Variants in VPS52 observed in about 807,000 individuals in gnomAD.
VPS52 encodes the protein VPS52 subunit of GARP complex.
In VPS52, 56 loss-of-function variants were observed where a neutral mutation model predicts 98.7. That is an observed-to-expected ratio of 0.57 (90% CI 0.46 to 0.71). VPS52 has a LOEUF of 0.71. Ranked by LOEUF, VPS52 falls within the 30% of genes least tolerant of loss-of-function variation. VPS52 has a pLI of 0.00. For missense variants in VPS52, 742 were observed against 925.9 expected (o/e 0.80, Z 2.58); for synonymous variants, 348 against 346.4 (o/e 1.00, Z -0.05).
chr6:33,251,641 T>C lies in VPS52; in HGVS notation c.1907-5A>G, dbSNP rs376174137. 1.1e-4 allele frequency: 179 copies of C among 1,606,774 alleles called. 1 individual carries two copies. Among genetic ancestry groups the C allele is most frequent in the South Asian group, 2.4e-4 (22 of 90,684 alleles). On this transcript the variant is annotated splice_region_variant and splice_polypyrimidine_tract_variant and intron_variant, in intron 18 of 19. Coordinates refer to ENST00000445902, the MANE Select transcript of VPS52 (RefSeq NM_022553.6). ...GGATCAGCTGAGTTACCCGGGCTAA[T>C]AGCAGGAGGAAACAGTGTCAGAGAG...
intron 17 of VPS52, among the ~76,000 whole-genome samples, chr6:33,259,788 A>G (rs1763423239): frequency 6.6e-6 from 1 of 152,218 alleles, no homozygotes; most frequent in Non-Finnish European, 1.5e-5. Context: ...AAAAGAAAAA[A>G]AATGGCAAAG....
Position 33,267,136 on chromosome 6 carries a change from C to A in VPS52, c.1125+52G>T. ...TCTGCCCTGAGGTCTGGCCTTCCCT[C>A]CCCACCGTGCTCAGAGCCTCTTTCG... On this transcript the variant is annotated intron_variant, in intron 11 of 19. Transcript: ENST00000445902. This position sits in a 1 kb window ranked among gnomAD's most constrained non-coding sequence, Gnocchi z 4.2. 2 of 1,452,476 alleles carry A rather than the reference C, an allele frequency of 1.4e-6. No individual in the cohort carries two copies. The highest frequency in any genetic ancestry group is 1.8e-6 in the Non-Finnish European group (2 of 1,100,700). 90.0% of individuals were successfully genotyped at this position (1,452,476 alleles called of 1,614,324 possible).
chr6:33,270,000 G>A lies in VPS52; in HGVS notation c.227C>T (p.Thr76Met), dbSNP rs753215900. The A allele has an allele frequency of 5.0e-6, 8 of 1,614,094 alleles. No homozygotes were observed. The highest frequency in any genetic ancestry group is 4.5e-5 in the East Asian group (2 of 44,882). The part of the protein sequence containing the change: ...EDELVKEALK[T>M]GVDLRHYSKQ... ...GATTAGTACAGGGGAAAGCCTCACC[G>A]TTTTAAGAGCTTCCTTTACTAACTC... is the stretch of plus-strand genomic sequence containing the variant. The change falls in exon 3 of 20, where the codon ACG becomes ATG. Residue 76 changes from threonine to methionine, a missense_variant and splice_region_variant. Thr to Met is a moderately conservative substitution (Grantham distance 81). This residue lies in a region of VPS52 where 152 missense variants were observed against 132.6 expected (regional missense o/e 1.15). Coordinates refer to ENST00000445902, the MANE Select transcript of VPS52 (RefSeq NM_022553.6).
rs746873949 is a variant in VPS52, at chr6:33,264,917, C to A, written c.1282-17G>T. 1.4e-5 allele frequency: 23 copies of A among 1,590,220 alleles called. No individual in the cohort carries two copies. Among genetic ancestry groups the A allele is most frequent in the Non-Finnish European group, 1.8e-5 (21 of 1,159,442 alleles). ...CAGGTGTTTCTGTGTGATTGGGGAACAAACAGAGGATTAAAAGAGAATGTC... is the reference window on the plus strand; with the variant it reads ...CAGGTGTTTCTGTGTGATTGGGGAAAAAACAGAGGATTAAAAGAGAATGTC... On this transcript the variant is annotated splice_polypyrimidine_tract_variant and intron_variant, in intron 12 of 19. Coordinates refer to ENST00000445902, the MANE Select transcript of VPS52 (RefSeq NM_022553.6).
At position 33,267,602 on chromosome 6, in the gene VPS52, G is replaced by C; in HGVS notation, c.991+80C>G. 1 of 1,518,932 alleles carries C rather than the reference G, an allele frequency of 6.6e-7. No homozygotes were observed. The highest frequency in any genetic ancestry group is 9.1e-7 in the Non-Finnish European group (1 of 1,102,652). The allele number at this position is 1,518,932 out of a possible 1,614,324, so 94.1% of individuals were successfully genotyped here. A position where few individuals can be genotyped will look rare whatever the true frequency, so the allele number is the denominator to read the frequency against. On this transcript the variant is annotated intron_variant, in intron 10 of 19. Transcript: ENST00000445902. The surrounding 1 kb of genome is among the most constrained non-coding windows in gnomAD (Gnocchi z 4.2). ...GTTTCAGTCCCATAGGAAAAGGTAA[G>C]GAGCAGTGCATTGGTGGCTGGAGTC...
intron 17 of VPS52, among the ~76,000 whole-genome samples, chr6:33,258,462 CAAA>C (rs577211753): frequency 6.1e-5 from 7 of 115,144 alleles, no homozygotes; most frequent in Admixed American, 9.1e-5. Flanking sequence ...CTCATCTCAC[CAAA>C]AAAAAAAAAA....
rs1764814373 is a variant in VPS52, at chr6:33,270,045, A to C, written c.182T>G (p.Ile61Ser). Residue 61 changes from isoleucine (I) to serine (S), a missense_variant, in exon 3 of 20, where the codon ATT becomes AGT. Physicochemically the swap from Ile to Ser is moderately radical, Grantham distance 142. Around this residue, in one of 2 missense-constraint regions of VPS52, gnomAD observed 152 missense variants for 132.6 expected, o/e 1.15. Transcript: ENST00000445902. ...TAACTCATCCTCCAGATTTGCCTGA[A>C]TGTGAACTGGAAATAGAAGTTTATC... is the stretch of plus-strand genomic sequence containing the variant. ...EFILDEVDVHIQANLEDELVK... is the reference protein window; with the variant it reads ...EFILDEVDVHSQANLEDELVK... 6.2e-7 allele frequency: 1 copy of C among 1,614,094 alleles called. No individual in the cohort carries two copies. The highest frequency in any genetic ancestry group is 1.3e-5 in the African/African-American group (1 of 74,928).
At chr6:33,264,537 A>G (rs1764056480) in intron 13 of VPS52, 40 bp from the exon 14 acceptor site, 1 of 1,610,832 alleles carries the variant, frequency 6.2e-7, no homozygotes, top group Non-Finnish European at 8.5e-7. Flanking sequence ...CCAGCAAGGA[A>G]TGTTGGAGGG....
At chr6:33,264,262 A>G in intron 14 of VPS52, 112 bp downstream of exon 14, 3 of 1,567,554 alleles carry the variant, frequency 1.9e-6, no homozygotes, top group Non-Finnish European at 2.6e-6. Context: ...ACCCTCCCAG[A>G]ACACCTGCTC....
intron 5 of VPS52, 96 bp from the exon 6 acceptor site, chr6:33,269,285 T>C (rs1359355368): frequency 1.3e-6 from 2 of 1,535,156 alleles, no homozygotes; most frequent in African/African-American, 2.8e-5. Flanking sequence ...TATTTATCAG[T>C]CCTTGAGGGT....
At chr6:33,266,485 C>A in intron 12 of VPS52, 72 bp downstream of exon 12, 1 of 1,475,214 alleles carries the variant, frequency 6.8e-7, no homozygotes, top group South Asian at 1.5e-5. Context: ...CTACCAGAGT[C>A]ATGACCCCAC....
At chr6:33,253,630 CTGTAGTCCCAGTTACT>C (rs1260889521) in intron 17 of VPS52, among the ~76,000 whole-genome samples, 2 of 151,854 alleles carry the variant, frequency 1.3e-5, no homozygotes, top group African/African-American at 4.8e-5. Flanking sequence ...TGGCACACAC[CTGTAGTCCCAGTTACT>C]TAGGAGGCTG....
chr6:33,263,287 A>G (rs1763853855), intron 17 of VPS52, among the ~76,000 whole-genome samples, 197 bp downstream of exon 17: 1 of 148,140 alleles, frequency 6.8e-6, no homozygotes, highest in Non-Finnish European at 1.5e-5. Flanking sequence ...AAAAAAAACC[A>G]AAGACAAAAT....
chr6:33,251,070 G>T, intron 19 of VPS52, 83 bp from the exon 20 acceptor site: 1 of 1,587,722 alleles, frequency 6.3e-7, no homozygotes. Context: ...GCGGCCAGGC[G>T]CAGTGGCTCA....
At position 33,269,971 on chromosome 6, in the gene VPS52, G is replaced by A. The variant is rs529096211; in HGVS notation, c.228+28C>T. 1.9e-6 allele frequency: 3 copies of A among 1,613,894 alleles called. No homozygotes were observed. In the South Asian group the frequency reaches 3.3e-5, roughly 18 times the overall value. ...CCTTTTGGGGTAGAATAGATAGAAG[G>A]GCAGATTAGTACAGGGGAAAGCCTC... is the stretch of plus-strand genomic sequence containing the variant. On this transcript the variant is annotated intron_variant, in intron 3 of 19. Coordinates refer to ENST00000445902, the MANE Select transcript of VPS52 (RefSeq NM_022553.6).
chr6:33,268,128 C>G lies in VPS52; in HGVS notation c.780G>C (p.Gln260His). The change falls in exon 8 of 20, where the codon CAG (glutamine) becomes CAC (histidine). Residue 260 changes from glutamine (Q) to histidine (H), a missense_variant. Physicochemically the swap from Gln to His is conservative, Grantham distance 24. Coordinates refer to ENST00000445902, the MANE Select transcript of VPS52 (RefSeq NM_022553.6). The surrounding 1 kb of genome is among the most constrained non-coding windows in gnomAD (Gnocchi z 4.0). ...GTGACCTGTACTTCAGCAGGGCCGTCTGGGGGATCTGATAGTTGGTCATGG... is the reference window on the plus strand; with the variant it reads ...GTGACCTGTACTTCAGCAGGGCCGTGTGGGGGATCTGATAGTTGGTCATGG... ...RKPMTNYQIP[Q>H]TALLKYRFFY... 2 of 1,613,066 alleles carry G rather than the reference C, an allele frequency of 1.2e-6. No homozygotes were observed. The highest frequency in any genetic ancestry group is 1.7e-6 in the Non-Finnish European group (2 of 1,180,044).
chr6:33,271,642 G>T lies in VPS52; in HGVS notation c.34C>A (p.Arg12=). ...GTCCCAGCCCGCAACACCAGTTCCC[G>T]GGCCGCAGCCGCCATGGTCGCAGCG... ...AAAATMAAAA[R]ELVLRAGTSD... is the part of the protein sequence containing the mutation. Residue 12 remains arginine, a synonymous_variant, in exon 1 of 20, where the codon CGG becomes AGG. Transcript: ENST00000445902. 6.2e-7 allele frequency: 1 copy of T among 1,610,842 alleles called. No individual in the cohort carries two copies. Among genetic ancestry groups the T allele is most frequent in the Non-Finnish European group, 8.5e-7 (1 of 1,178,312 alleles).
At chr6:33,258,562 T>C (rs577265182) in intron 17 of VPS52, among the ~76,000 whole-genome samples, 4 of 152,246 alleles carry the variant, frequency 2.6e-5, no homozygotes, top group African/African-American at 7.2e-5. Context: ...AGAACTCTTA[T>C]AAATAAAAAA....
chr6:33,270,158 TCA>T (rs1764830626), intron 2 of VPS52, 39 bp downstream of exon 2: 5 of 1,612,198 alleles, frequency 3.1e-6, no homozygotes, highest in Non-Finnish European at 4.2e-6. Context: ...CCCATGCCTC[TCA>T]GATTACAGGT....
Sources: allele counts gnomAD v4.1 joint callset (sites outside exome capture counted in the v4.1 genomes callset), GRCh38; gene constraint gnomAD v4.1.1; regional missense constraint gnomAD v4.1.1; non-coding constraint Gnocchi (gnomAD v3.1); transcripts MANE v1.5; gene names NCBI Gene and HGNC (gene_info 2026-07-23, HGNC 2026-07-21).